PARVB: variants seen among roughly 807,000 people sequenced by gnomAD.
The protein encoded by PARVB is beta-parvin.
PARVB carries 46 observed loss-of-function variants against 47.0 expected under a neutral mutation model. The ratio of observed to expected loss-of-function variants is 0.98; its 90% CI spans 0.77 to 1.25. PARVB has a LOEUF of 1.25. Among genes scored for constraint, PARVB ranks in the 50% most tolerant of loss-of-function variants. The pLI, the probability that PARVB is intolerant of heterozygous loss-of-function variation, is 0.00. For synonymous variants in PARVB, 196 were observed against 196.3 expected (o/e 1.00, Z 0.01); for missense variants, 473 against 471.6 (o/e 1.00, Z -0.03).
intron 1 of PARVB, among the ~76,000 whole-genome samples, chr22:44,035,368 C>CTTT (rs57745730): frequency 2.7e-4 from 32 of 118,042 alleles, no homozygotes; most frequent in African/African-American, 3.9e-4. Context: ...TTTCTTTTTC[C>CTTT]TTTTTTTTTT....
intron 2 of PARVB, among the ~76,000 whole-genome samples, chr22:44,001,699 C>T (rs1019984350): frequency 4.6e-5 from 7 of 152,148 alleles, no homozygotes; most frequent in Admixed American, 2.6e-4. Flanking sequence ...ACTTGAAGCC[C>T]GCATTTTACC....
intron 1 of PARVB, among the ~76,000 whole-genome samples, chr22:44,074,913 TCTGGGAGCTC>T (rs2051734214): frequency 6.6e-6 from 1 of 152,102 alleles, no homozygotes; most frequent in South Asian, 2.1e-4. Context: ...CCCAGTGGGC[TCTGGGAGCTC>T]CTGGGACTCC....
intron 4 of PARVB, among the ~76,000 whole-genome samples, chr22:44,121,958 AT>A (rs1301752330): frequency 1.3e-5 from 2 of 152,194 alleles, no homozygotes; most frequent in Non-Finnish European, 2.9e-5. Context: ...CTTTGCCATT[AT>A]TTTTTAAGTA....
At chr22:44,077,936 G>T (rs1270083463) in intron 1 of PARVB, among the ~76,000 whole-genome samples, 2 of 152,064 alleles carry the variant, frequency 1.3e-5, no homozygotes, top group Non-Finnish European at 1.5e-5. Context: ...GACCTCAAGT[G>T]ATCCGCCCAC....
At chr22:44,161,698 G>A (rs1166801091) in intron 11 of PARVB, among the ~76,000 whole-genome samples, 4 of 152,154 alleles carry the variant, frequency 2.6e-5, no homozygotes, top group African/African-American at 4.8e-5. Context: ...TATTCACCTC[G>A]TACAGGGCTG....
chr22:44,112,756 A>G (rs866016414), intron 3 of PARVB: 39 of 129,436 alleles, frequency 3.0e-4, no homozygotes, highest in African/African-American at 1.2e-3. Context: ...CCCTGCACCA[A>G]CACAGATACA....
chr22:44,066,600 C>A (rs2051528177), intron 1 of PARVB, among the ~76,000 whole-genome samples: 1 of 152,188 alleles, frequency 6.6e-6, no homozygotes, highest in Non-Finnish European at 1.5e-5. Flanking sequence ...GTGCACGGCA[C>A]ACATCTGAGT....
intron 1 of PARVB, among the ~76,000 whole-genome samples, chr22:44,039,020 C>G (rs2050970893): frequency 6.6e-6 from 1 of 152,116 alleles, no homozygotes; most frequent in South Asian, 2.1e-4. Context: ...AAAGTGCTCC[C>G]CGTCACCAGC....
chr22:44,065,969 C>T (rs772420437), intron 1 of PARVB, among the ~76,000 whole-genome samples: 5 of 152,074 alleles, frequency 3.3e-5, no homozygotes, highest in Middle Eastern at 6.8e-3. Flanking sequence ...GTGCTATAAA[C>T]GTGTGTGAAG....
At chr22:44,147,987 G>A (rs368561160) in intron 9 of PARVB, 65 bp downstream of exon 9, 24 of 1,216,660 alleles carry the variant, frequency 2.0e-5, no homozygotes, top group African/African-American at 1.6e-4. Context: ...CAGCACAAAC[G>A]CCCCGCTGGG....
intron 1 of PARVB, among the ~76,000 whole-genome samples, chr22:44,036,757 C>T (rs2050929871): frequency 1.3e-5 from 2 of 152,138 alleles, no homozygotes; most frequent in African/African-American, 4.8e-5. Flanking sequence ...CACTTGAGCT[C>T]AGGAGTTCAA....
intron 4 of PARVB, among the ~76,000 whole-genome samples, chr22:44,122,578 G>GACAC (rs2053090735): frequency 8.3e-6 from 1 of 119,952 alleles, no homozygotes; most frequent in Non-Finnish European, 1.9e-5. Context: ...GAGAGAGAGA[G>GACAC]AGAGAGAGAG....
intron 1 of PARVB, among the ~76,000 whole-genome samples, chr22:44,080,565 A>G (rs1439885014): frequency 6.6e-6 from 1 of 152,048 alleles, no homozygotes; most frequent in African/African-American, 2.4e-5. Context: ...ATCCAGGCTA[A>G]TCTCCCACCC....
rs1029280869 is a variant in PARVB, at chr22:44,094,743, G to A, written c.202+726G>A. ...TGGGCTCAAGCAGTTCTCCTGCCTC[G>A]GTTTCCCAAAGTGCAGGGACTACAG... is the stretch of plus-strand genomic sequence containing the variant. On this transcript the variant is annotated intron_variant, in intron 2 of 12. Coordinates refer to ENST00000338758, the MANE Select transcript of PARVB (RefSeq NM_013327.5). 3.3e-5 allele frequency among the ~76,000 whole-genome samples: 5 copies of A among 151,652 alleles called. 1 individual carries two copies. Among genetic ancestry groups the A allele is most frequent in the East Asian group, 1.9e-4 (1 of 5,184 alleles).
At chr22:44,168,506 C>A in intron 12 of PARVB, 96 bp from the exon 13 acceptor site, 1 of 810,682 alleles carries the variant, frequency 1.2e-6, no homozygotes, top group Non-Finnish European at 2.2e-6. Flanking sequence ...GTGGATGCGG[C>A]AGCTGGTGTC....
rs76348360 is a variant in PARVB at position 44,119,115 on chromosome 22, C to T, written c.351C>T (p.Asp117=). ...IVKQLEEDLY[D]GQVLQKLLEK... is the part of the protein sequence containing the mutation. ...AGCAGCTGGAGGAAGACCTGTATGA[C>T]GGCCAGGTGCTGCAGAAGCTCTTGG... Residue 117 remains aspartate (D), a synonymous_variant, in exon 4 of 13, where the codon GAC becomes GAT. Transcript: ENST00000338758. The T allele has an allele frequency of 5.6e-3, 9,026 of 1,613,476 alleles. 445 individuals are homozygous for T. The African/African-American group carries it at 0.1, about 18-fold the overall frequency.
intron 1 of PARVB, among the ~76,000 whole-genome samples, chr22:44,082,043 C>G (rs1432493251): frequency 6.6e-6 from 1 of 152,140 alleles, no homozygotes; most frequent in Non-Finnish European, 1.5e-5. Context: ...GGTCAGGAGG[C>G]AGTGGCTGCT....
intron 1 of PARVB, among the ~76,000 whole-genome samples, chr22:44,059,148 C>T (rs766959497): frequency 1.3e-5 from 2 of 148,378 alleles, no homozygotes; most frequent in African/African-American, 2.5e-5. Context: ...CACATTTAAG[C>T]GATTCTTCTG....
intron 3 of PARVB, chr22:44,108,170 C>G (rs1181370677): frequency 2.6e-5 from 4 of 152,254 alleles, no homozygotes; most frequent in Non-Finnish European, 4.4e-5. Context: ...CACCACCACG[C>G]CTGGCCTGCT....
Sources: gnomAD v4.1 joint callset for allele counts (sites outside exome capture counted in the v4.1 genomes callset) on GRCh38, gnomAD v4.1.1 for gene constraint, MANE v1.5 for transcripts, NCBI Gene and HGNC (gene_info 2026-07-23, HGNC 2026-07-21) for gene names.